SUPT16H: variants seen among roughly 807,000 people sequenced by gnomAD.
The protein encoded by SUPT16H is SPT16 homolog, facilitates chromatin remodeling subunit, also known as FACT complex subunit SPT16.
SUPT16H carries 24 observed loss-of-function variants against 136.2 expected under a neutral mutation model. That is an observed-to-expected ratio of 0.18 (90% CI 0.13 to 0.25). The LOEUF (loss-of-function observed/expected upper bound fraction) is 0.25, where lower values mean the gene tolerates loss of function less well. Ranked by LOEUF, SUPT16H falls within the 10% of genes least tolerant of loss-of-function variation. The pLI is 1.00. For synonymous variants in SUPT16H, 415 were observed against 428.2 expected (o/e 0.97, Z 0.38); for missense variants, 623 against 1,270.2 (o/e 0.49, Z 7.74).
chr14:21,353,215 T>C (rs1036606127), intron 25 of SUPT16H, among the ~76,000 whole-genome samples: 9 of 152,184 alleles, frequency 5.9e-5, no homozygotes, highest in African/African-American at 1.9e-4. Flanking sequence ...ATTACATGAA[T>C]ATGTGGCTAT....
In SUPT16H at chr14:21,363,309, T is replaced by C; in HGVS notation, c.1319A>G (p.Glu440Gly). Residue 440 changes from glutamate to glycine, a missense_variant, in exon 12 of 26, where the codon GAG (glutamate) becomes GGG (glycine). By Grantham distance (98) the Glu-to-Gly change is moderately conservative. Coordinates refer to ENST00000216297, the MANE Select transcript of SUPT16H (RefSeq NM_007192.4). ...CTCTGCCTCATCTTTCTCCTCCTCC[T>C]CTTCTTCCTCATCTTCATTCTATGG... ...IFLKNEDEEE[E>G]EEEKDEAEDL... 1 of 1,610,448 alleles carries C rather than the reference T, an allele frequency of 6.2e-7. No homozygotes were observed. The highest frequency in any genetic ancestry group is 8.5e-7 in the Non-Finnish European group (1 of 1,177,800).
chr14:21,367,959 T>G (rs1886706831), intron 7 of SUPT16H, among the ~76,000 whole-genome samples: 1 of 152,120 alleles, frequency 6.6e-6, no homozygotes. Flanking sequence ...GGCGCAATCA[T>G]AGCTCACTGC....
intron 10 of SUPT16H, among the ~76,000 whole-genome samples, 166 bp downstream of exon 10, chr14:21,364,661 C>T (rs1009385729): frequency 2.6e-5 from 4 of 152,114 alleles, no homozygotes; most frequent in Non-Finnish European, 2.9e-5. Context: ...ATATCATTCC[C>T]TATACCTGGG....
In SUPT16H at chr14:21,373,221, C is replaced by T. The variant is rs530972186; in HGVS notation, c.159+117G>A. ...TCGGCCTCCCAAAGTGCTGGGATTA[C>T]AGGCATGAGCCACCGCAGCCAGCCA... is the stretch of plus-strand genomic sequence containing the variant. On this transcript the variant is annotated intron_variant, in intron 2 of 25. Transcript: ENST00000216297. The T allele has an allele frequency of 5.1e-5, 42 of 818,128 alleles. No homozygotes were observed. In the Middle Eastern group the frequency reaches 1.1e-3, roughly 21 times the overall value. 50.7% of individuals were successfully genotyped at this position (818,128 alleles called of 1,614,324 possible).
chr14:21,361,477 C>T (rs562656354), intron 15 of SUPT16H: 8 of 487,688 alleles, frequency 1.6e-5, no homozygotes, highest in Admixed American at 1.3e-4. Context: ...CCACCATGCC[C>T]GGCTAGTTTT....
At chr14:21,373,165 T>C (rs1252758571) in intron 2 of SUPT16H, among the ~76,000 whole-genome samples, 173 bp downstream of exon 2, 1 of 152,140 alleles carries the variant, frequency 6.6e-6, no homozygotes, top group East Asian at 1.9e-4. Flanking sequence ...AGGCTGGTCT[T>C]GAACTCCTGG....
chr14:21,371,456 A>C (rs1440175609), intron 3 of SUPT16H, among the ~76,000 whole-genome samples: 7 of 152,204 alleles, frequency 4.6e-5, no homozygotes, highest in Non-Finnish European at 7.3e-5. Flanking sequence ...AAGAAACTCA[A>C]ACACATAAGT....
At chr14:21,369,951 A>C in intron 4 of SUPT16H, 55 bp from the exon 5 acceptor site, 2 of 1,587,178 alleles carry the variant, frequency 1.3e-6, no homozygotes, top group East Asian at 4.5e-5. Flanking sequence ...TACAAAATAA[A>C]TGCATCTCTC....
intron 1 of SUPT16H, 26 bp downstream of exon 1, chr14:21,383,836 A>G: frequency 6.2e-7 from 1 of 1,613,940 alleles, no homozygotes; most frequent in Non-Finnish European, 8.5e-7. Flanking sequence ...GGGGCTCCCT[A>G]GGAAAAATTA....
chr14:21,371,899 G>C lies in SUPT16H; in HGVS notation c.305C>G (p.Ala102Gly). ...KGNENANGAPAITLLIREKNE... is the reference protein window; with the variant it reads ...KGNENANGAPGITLLIREKNE... Reference sequence around the variant, plus strand: ...CTTTTCTCGTATTAGCAGTGTGATGGCAGGGGCTCCATTAGCATTCTCATT... The same window carrying C: ...CTTTTCTCGTATTAGCAGTGTGATGCCAGGGGCTCCATTAGCATTCTCATT... Residue 102 changes from alanine to glycine, a missense_variant, in exon 3 of 26, where the codon GCC becomes GGC. By Grantham distance (60) the Ala-to-Gly change is moderately conservative. Transcript: ENST00000216297. 6.2e-7 allele frequency: 1 copy of C among 1,613,984 alleles called. No individual in the cohort carries two copies. The highest frequency in any genetic ancestry group is 8.5e-7 in the Non-Finnish European group (1 of 1,179,986).
intron 23 of SUPT16H, 86 bp downstream of exon 23, chr14:21,354,325 T>C: frequency 6.5e-7 from 1 of 1,540,110 alleles, no homozygotes; most frequent in Non-Finnish European, 8.8e-7. Flanking sequence ...GCCTAGTCCC[T>C]TATGTACTAC....
At chr14:21,362,045 T>G (rs1886567854) in intron 15 of SUPT16H, 152 bp downstream of exon 15, 1 of 853,362 alleles carries the variant, frequency 1.2e-6, no homozygotes, top group Non-Finnish European at 1.7e-6. Flanking sequence ...CTGAAAATAG[T>G]ACAAAGTCAA....
Position 21,368,562 on chromosome 14 carries a change from A to AT in SUPT16H, c.783-122dup, listed in dbSNP as rs535871876. ...TGCCATATCCCAAAGCTGTGGCTGA[A>AT]TAAGGACCTAAACTTTTTTGTGTTT... On this transcript the variant is annotated intron_variant, in intron 6 of 25. Transcript: ENST00000216297. 2.0e-4 allele frequency: 226 copies of AT among 1,108,020 alleles called. 4 individuals are homozygous for AT. The South Asian group carries it at 4.4e-3, about 22-fold the overall frequency. 68.6% of individuals were successfully genotyped at this position (1,108,020 alleles called of 1,614,324 possible).
At chr14:21,383,669 G>A (rs779986145) in intron 1 of SUPT16H, 193 bp downstream of exon 1, 4 of 723,024 alleles carry the variant, frequency 5.5e-6, no homozygotes, top group Non-Finnish European at 1.0e-5. Context: ...GCAGGACAGG[G>A]TGAATGCGGG....
intron 19 of SUPT16H, among the ~76,000 whole-genome samples, chr14:21,358,862 C>T (rs979849571): frequency 2.6e-5 from 4 of 152,152 alleles, no homozygotes; most frequent in Non-Finnish European, 5.9e-5. Flanking sequence ...GGCTGGAGTG[C>T]GGTGGCGCGA....
In SUPT16H at chr14:21,353,752, C is replaced by T. The variant is rs768910101; in HGVS notation, c.2871G>A (p.Glu957=). The change falls in exon 24 of 26, where the codon GAG becomes GAA. Residue 957 remains glutamate, a synonymous_variant. Transcript: ENST00000216297. ...TFNPSEDDYE[E]EEEDSDEDYS... ...AATCTTCATCACTGTCCTCCTCTTC[C>T]TCTTCATAGTCATCTTCTGAAGGAT... 3.1e-6 allele frequency: 5 copies of T among 1,614,060 alleles called. No individual in the cohort carries two copies. The East Asian group carries it at 1.1e-4, about 36-fold the overall frequency.
intron 23 of SUPT16H, 85 bp from the exon 24 acceptor site, chr14:21,353,917 A>G: frequency 7.6e-7 from 1 of 1,314,268 alleles, no homozygotes; most frequent in East Asian, 2.4e-5. Context: ...ATAGTATACC[A>G]GTATTTACAT....
intron 2 of SUPT16H, chr14:21,372,333 A>C: frequency 2.8e-6 from 1 of 357,254 alleles, no homozygotes; most frequent in Non-Finnish European, 5.2e-6. Context: ...GTTTATAGGA[A>C]GTATATCAAT....
chr14:21,372,545 A>G (rs1886809293), intron 2 of SUPT16H: 1 of 340,732 alleles, frequency 2.9e-6, no homozygotes, highest in Non-Finnish European at 5.6e-6. Context: ...TGGAGCTTCA[A>G]GCAAGTCTTC....
Sources: gnomAD v4.1 joint callset for allele counts (sites outside exome capture counted in the v4.1 genomes callset) on GRCh38, gnomAD v4.1.1 for gene constraint, MANE v1.5 for transcripts, NCBI Gene and HGNC (gene_info 2026-07-23, HGNC 2026-07-21) for gene names.